Variants in CDYL observed in about 807,000 individuals in gnomAD.
CDYL encodes chromodomain Y-like protein.
Under a neutral mutation model 47.3 loss-of-function variants are expected in CDYL, and 8 were observed. That is an observed-to-expected ratio of 0.17 (90% confidence interval 0.10 to 0.31). CDYL has a LOEUF of 0.31. Among genes scored for constraint, CDYL ranks in the 10% least tolerant of loss-of-function variants. The pLI, the probability that CDYL is intolerant of heterozygous loss-of-function variation, is 1.00. For synonymous variants in CDYL, 266 were observed against 265.0 expected (o/e 1.00, Z -0.04); for missense variants, 471 against 701.4 (o/e 0.67, Z 3.71).
intron 1 of CDYL, among the ~76,000 whole-genome samples, chr6:4,852,847 G>A (rs1760892852): frequency 6.6e-6 from 1 of 150,722 alleles, no homozygotes; most frequent in African/African-American, 2.5e-5. Context: ...CACCCAGGCT[G>A]GAGTGCAGTG....
At chr6:4,723,587 A>C (rs1398406918) in intron 2 of CDYL, among the ~76,000 whole-genome samples, 1 of 152,120 alleles carries the variant, frequency 6.6e-6, no homozygotes, top group Admixed American at 6.5e-5. Context: ...ACCCAGCAGG[A>C]GGCGGCAAGC....
intron 2 of CDYL, among the ~76,000 whole-genome samples, chr6:4,924,784 A>T (rs1318018854): frequency 1.3e-5 from 2 of 152,210 alleles, no homozygotes; most frequent in Non-Finnish European, 2.9e-5. Flanking sequence ...GATCCTAAAA[A>T]TCGCCACACT....
At chr6:4,923,583 T>C (rs1243293088) in intron 2 of CDYL, among the ~76,000 whole-genome samples, 1 of 152,188 alleles carries the variant, frequency 6.6e-6, no homozygotes, top group Non-Finnish European at 1.5e-5. Context: ...TGGATAAATA[T>C]CTAGTCAAGT....
intron 2 of CDYL, chr6:4,715,901 A>C (rs1380264112): frequency 6.2e-7 from 1 of 1,610,290 alleles, no homozygotes; most frequent in Non-Finnish European, 8.5e-7. Flanking sequence ...TGCAGGAATC[A>C]AATTAGTTCT....
At chr6:4,886,978 T>C (rs898542287) in intron 1 of CDYL, among the ~76,000 whole-genome samples, 1 of 152,344 alleles carries the variant, frequency 6.6e-6, no homozygotes, top group Admixed American at 6.5e-5. Context: ...GGAATGGTAG[T>C]GACAGTGTTG....
At chr6:4,734,266 T>C (rs1757661672) in intron 2 of CDYL, among the ~76,000 whole-genome samples, 1 of 152,218 alleles carries the variant, frequency 6.6e-6, no homozygotes, top group Non-Finnish European at 1.5e-5. Flanking sequence ...GGTCCCCTTG[T>C]GTGGGCTCAA....
At chr6:4,818,249 T>C (rs902921632) in intron 1 of CDYL, among the ~76,000 whole-genome samples, 1 of 152,026 alleles carries the variant, frequency 6.6e-6, no homozygotes, top group Non-Finnish European at 1.5e-5. Context: ...AGTGAGCCCC[T>C]GTCTCAAAAA....
At chr6:4,784,817 A>C (rs987510093) in intron 1 of CDYL, among the ~76,000 whole-genome samples, 1 of 152,130 alleles carries the variant, frequency 6.6e-6, no homozygotes, top group Non-Finnish European at 1.5e-5. Context: ...TGTGGGAGGT[A>C]GTTGAATCGT....
intron 2 of CDYL, among the ~76,000 whole-genome samples, chr6:4,717,112 T>C (rs940818834): frequency 4.6e-5 from 7 of 151,944 alleles, no homozygotes; most frequent in African/African-American, 1.5e-4. Flanking sequence ...GGGTAGGATA[T>C]AAGGGGTCCA....
chr6:4,790,273 T>C (rs776465133), intron 1 of CDYL, among the ~76,000 whole-genome samples: 3 of 152,210 alleles, frequency 2.0e-5, no homozygotes, highest in Non-Finnish European at 4.4e-5. Flanking sequence ...TTAACAAATG[T>C]ATAGTGAGCA....
At chr6:4,910,576 A>G (rs1466045998) in intron 2 of CDYL, among the ~76,000 whole-genome samples, 1 of 152,238 alleles carries the variant, frequency 6.6e-6, no homozygotes, top group Non-Finnish European at 1.5e-5. Flanking sequence ...ACAAAAGGTT[A>G]TAACATAAGG....
intron 2 of CDYL, among the ~76,000 whole-genome samples, chr6:4,905,274 C>T (rs1005767969): frequency 1.9e-4 from 29 of 152,156 alleles, no homozygotes; most frequent in African/African-American, 7.0e-4. Flanking sequence ...CAGGAATTCT[C>T]GTTGGTCTAA....
chr6:4,880,337 C>G (rs910289000), intron 1 of CDYL, among the ~76,000 whole-genome samples: 5 of 152,144 alleles, frequency 3.3e-5, no homozygotes, highest in African/African-American at 9.7e-5. Context: ...TAAGGTTCCT[C>G]TGTGTCCTTT....
intron 3 of CDYL, among the ~76,000 whole-genome samples, chr6:4,746,144 TCG>T: frequency 6.6e-6 from 1 of 151,754 alleles, no homozygotes; most frequent in African/African-American, 2.4e-5. Context: ...GGCAGGTGGA[TCG>T]CGAGGTCAGG....
intron 2 of CDYL, among the ~76,000 whole-genome samples, chr6:4,898,570 A>C (rs917712493): frequency 5.9e-5 from 9 of 152,200 alleles, no homozygotes; most frequent in African/African-American, 1.9e-4. Flanking sequence ...GTAGATGCAC[A>C]GCCTCCCTCC....
At chr6:4,828,221 A>G (rs989623743) in intron 1 of CDYL, among the ~76,000 whole-genome samples, 4 of 134,082 alleles carry the variant, frequency 3.0e-5, no homozygotes, top group Non-Finnish European at 6.3e-5. Flanking sequence ...TGGATATAGG[A>G]CTTTTAACAG....
At chr6:4,821,346 C>T (rs1459905962) in intron 1 of CDYL, among the ~76,000 whole-genome samples, 1 of 127,600 alleles carries the variant, frequency 7.8e-6, no homozygotes, top group African/African-American at 3.0e-5. Flanking sequence ...GGTGTGATCT[C>T]GGCTTACTGC....
chr6:4,756,580 ATGTGTGTGTG>A (rs4053260), intron 3 of CDYL, among the ~76,000 whole-genome samples: 1 of 142,810 alleles, frequency 7.0e-6, no homozygotes, highest in Non-Finnish European at 1.6e-5. Context: ...TATCGTGTGT[ATGTGTGTGTG>A]TGTGTGTGTG....
At chr6:4,937,463 G>C in intron 3 of CDYL, 102 bp from the exon 4 acceptor site, 1 of 921,844 alleles carries the variant, frequency 1.1e-6, no homozygotes, top group South Asian at 2.2e-5. Flanking sequence ...ACCACTGCAC[G>C]CCAACCTGAG....
Sources: gnomAD v4.1 joint callset for allele counts (sites outside exome capture counted in the v4.1 genomes callset) on GRCh38, gnomAD v4.1.1 for gene constraint, MANE v1.5 for transcripts, NCBI Gene and HGNC (gene_info 2026-07-23, HGNC 2026-07-21) for gene names.